Variants in KCND2 observed in about 807,000 individuals in gnomAD.
The protein encoded by KCND2 is potassium voltage-gated channel subfamily D member 2, also known as A-type voltage-gated potassium channel KCND2.
KCND2 carries 16 observed loss-of-function variants against 54.4 expected under a neutral mutation model. The observed-to-expected ratio is 0.29, with a 90% CI of 0.20 to 0.45. The LOEUF is 0.45. Ranked by LOEUF, KCND2 falls within the 20% of genes least tolerant of loss-of-function variation. The pLI is 1.00. For missense variants in KCND2, 486 were observed against 824.2 expected, an observed-to-expected ratio of 0.59 and a Z score of 5.02; for synonymous variants, 317 against 310.7, an observed-to-expected ratio of 1.02 and a Z score of -0.21.
At chr7:120,288,571 G>A (rs1429053410) in intron 1 of KCND2, among the ~76,000 whole-genome samples, 2 of 152,050 alleles carry the variant, frequency 1.3e-5, no homozygotes, top group South Asian at 2.1e-4. Flanking sequence ...TGTCCAAAAT[G>A]ATTTCATGTT....
chr7:120,315,414 G>GTATC (rs1213340307), intron 1 of KCND2, among the ~76,000 whole-genome samples: 1 of 152,138 alleles, frequency 6.6e-6, no homozygotes, highest in African/African-American at 2.4e-5. Context: ...AGCCCTAAGG[G>GTATC]TATCTTTAGG....
chr7:120,279,277 G>C (rs564819980), intron 1 of KCND2, among the ~76,000 whole-genome samples: 41 of 151,590 alleles, frequency 2.7e-4, no homozygotes, highest in Non-Finnish European at 5.5e-4. Flanking sequence ...ATAATTGAAG[G>C]GTTATTATTA....
intron 1 of KCND2, among the ~76,000 whole-genome samples, chr7:120,501,495 GC>G (rs1228165546): frequency 3.3e-5 from 5 of 152,090 alleles, no homozygotes. Flanking sequence ...ATGGCAACAA[GC>G]AGCATTTAAA....
At chr7:120,444,117 A>G (rs181241573) in intron 1 of KCND2, among the ~76,000 whole-genome samples, 17 of 152,204 alleles carry the variant, frequency 1.1e-4, no homozygotes, top group African/African-American at 3.1e-4. Flanking sequence ...TTCTTCCTGA[A>G]TGGCAAAGGT....
intron 1 of KCND2, among the ~76,000 whole-genome samples, chr7:120,389,426 A>G (rs1352357894): frequency 6.6e-6 from 1 of 151,850 alleles, no homozygotes; most frequent in Non-Finnish European, 1.5e-5. Context: ...ATAGTACAAT[A>G]TTATTAACTA....
At chr7:120,697,208 A>C (rs1562912572) in intron 1 of KCND2, among the ~76,000 whole-genome samples, 1 of 152,220 alleles carries the variant, frequency 6.6e-6, no homozygotes, top group African/African-American at 2.4e-5. Context: ...TAGGGTAAAG[A>C]AATCAGAGGA....
chr7:120,406,719 C>T (rs991708816), intron 1 of KCND2, among the ~76,000 whole-genome samples: 17 of 151,882 alleles, frequency 1.1e-4, no homozygotes, highest in African/African-American at 3.9e-4. Context: ...AGAATGGAAA[C>T]AGGGCAGGAA....
chr7:120,715,546 CA>C (rs1184074447), intron 1 of KCND2, among the ~76,000 whole-genome samples: 1 of 152,008 alleles, frequency 6.6e-6, no homozygotes, highest in Admixed American at 6.6e-5. Context: ...AAAATCATTA[CA>C]TTTATTTTCA....
intron 1 of KCND2, among the ~76,000 whole-genome samples, chr7:120,624,871 A>G (rs1012848818): frequency 6.6e-6 from 1 of 152,164 alleles, no homozygotes; most frequent in Non-Finnish European, 1.5e-5. Context: ...CAGAAATGAC[A>G]TTTTCTCATA....
At chr7:120,413,180 G>A (rs1801475358) in intron 1 of KCND2, among the ~76,000 whole-genome samples, 1 of 151,968 alleles carries the variant, frequency 6.6e-6, no homozygotes, top group Admixed American at 6.6e-5. Flanking sequence ...TGATATAATT[G>A]ATAGTGGCTA....
intron 1 of KCND2, among the ~76,000 whole-genome samples, chr7:120,481,736 A>G (rs577498442): frequency 9.8e-5 from 15 of 152,290 alleles, no homozygotes; most frequent in African/African-American, 2.4e-5. Flanking sequence ...ACCCAGGTGT[A>G]GTTGAATCCA....
chr7:120,353,313 A>G (rs1800444616), intron 1 of KCND2, among the ~76,000 whole-genome samples: 1 of 152,026 alleles, frequency 6.6e-6, no homozygotes, highest in Non-Finnish European at 1.5e-5. Flanking sequence ...TACCTACAGT[A>G]GGACAATGGA....
chr7:120,524,673 T>C (rs142514058), intron 1 of KCND2, among the ~76,000 whole-genome samples: 1,561 of 152,328 alleles, frequency 0.01, 22 homozygotes, highest in Non-Finnish European at 0.014. Context: ...CAGGATATAC[T>C]TTATTCACTC....
At chr7:120,571,920 G>A (rs2116427471) in intron 1 of KCND2, among the ~76,000 whole-genome samples, 1 of 152,264 alleles carries the variant, frequency 6.6e-6, no homozygotes. Context: ...TTCAAAACCT[G>A]ATTAGAATGG....
intron 5 of KCND2, 106 bp from the exon 6 acceptor site, chr7:120,747,575 A>G (rs1317653734): frequency 1.3e-6 from 1 of 765,190 alleles, no homozygotes; most frequent in Non-Finnish European, 2.2e-6. Context: ...AACTTTCCTT[A>G]GACAATTAAA....
At chr7:120,289,220 T>C (rs1004727539) in intron 1 of KCND2, among the ~76,000 whole-genome samples, 1 of 152,082 alleles carries the variant, frequency 6.6e-6, no homozygotes, top group Non-Finnish European at 1.5e-5. Flanking sequence ...CACGATCCCT[T>C]GTATGTAAGC....
chr7:120,470,881 A>G (rs926845853), intron 1 of KCND2, among the ~76,000 whole-genome samples: 2 of 152,070 alleles, frequency 1.3e-5, no homozygotes, highest in Admixed American at 1.3e-4. Context: ...AATTGAATTA[A>G]TGTTTCAGTT....
At chr7:120,605,148 C>T (rs146132776) in intron 1 of KCND2, among the ~76,000 whole-genome samples, 5 of 152,278 alleles carry the variant, frequency 3.3e-5, no homozygotes, top group African/African-American at 1.2e-4. Context: ...AGTTGCACAA[C>T]CATGACCACT....
At chr7:120,293,153 A>T (rs955846591) in intron 1 of KCND2, among the ~76,000 whole-genome samples, 4 of 151,990 alleles carry the variant, frequency 2.6e-5, no homozygotes, top group African/African-American at 9.7e-5. Context: ...ATTTCATTCC[A>T]TGAACTAATA....
Sources: gnomAD v4.1 joint callset for allele counts (sites outside exome capture counted in the v4.1 genomes callset) on GRCh38, gnomAD v4.1.1 for gene constraint, MANE v1.5 for transcripts, NCBI Gene and HGNC (gene_info 2026-07-23, HGNC 2026-07-21) for gene names.